Variants in ITIH5 observed in about 807,000 individuals in gnomAD.
ITIH5 encodes the protein inter-alpha-trypsin inhibitor heavy chain H5.
Under a neutral mutation model 77.5 loss-of-function variants are expected in ITIH5, and 65 were observed. That is an observed-to-expected ratio of 0.84 (90% CI 0.69 to 1.03). The LOEUF (loss-of-function observed/expected upper bound fraction) is 1.03. ITIH5 is among the 50% of genes least tolerant of loss of function. The probability of loss-of-function intolerance (pLI) is 0.00; values close to 1 mark genes in which losing one functional copy is unlikely to be tolerated. For missense variants in ITIH5, 1,208 were observed against 1,213.1 expected (o/e 1.00, Z 0.06); for synonymous variants, 525 against 494.3 (o/e 1.06, Z -0.82).
intron 7 of ITIH5, among the ~76,000 whole-genome samples, chr10:7,606,639 A>C (rs1833131735): frequency 6.6e-6 from 1 of 152,230 alleles, no homozygotes; most frequent in Non-Finnish European, 1.5e-5. Context: ...TACTGTGCTT[A>C]TTAGCTGGGT....
At chr10:7,629,044 C>T (rs1424618334) in intron 5 of ITIH5, among the ~76,000 whole-genome samples, 4 of 136,500 alleles carry the variant, frequency 2.9e-5, no homozygotes, top group East Asian at 2.1e-4. Context: ...CCTGTTGTAG[C>T]GTGTGTCCAT....
chr10:7,565,953 T>C (rs1588354471), intron 13 of ITIH5, 77 bp downstream of exon 13: 1 of 1,531,330 alleles, frequency 6.5e-7, no homozygotes, highest in Non-Finnish European at 8.8e-7. Context: ...AAACGAAAGG[T>C]GTTGGCAATA....
chr10:7,659,633 T>C (rs1274790957), intron 1 of ITIH5, among the ~76,000 whole-genome samples: 6 of 152,174 alleles, frequency 3.9e-5, no homozygotes, highest in Non-Finnish European at 4.4e-5. Context: ...AGTATTTTCT[T>C]TGAAGTTTTC....
chr10:7,664,906 C>G (rs540949963), intron 1 of ITIH5, among the ~76,000 whole-genome samples: 1 of 152,224 alleles, frequency 6.6e-6, no homozygotes, highest in South Asian at 2.1e-4. Flanking sequence ...TGCATCATCC[C>G]CATACAGAGA....
intron 7 of ITIH5, chr10:7,609,435 T>C (rs969788070): frequency 4.4e-6 from 2 of 456,572 alleles, no homozygotes; most frequent in Non-Finnish European, 8.8e-6. Flanking sequence ...AGGTTACACA[T>C]GAAATATCCA....
chr10:7,592,898 G>A (rs978031515), intron 7 of ITIH5, among the ~76,000 whole-genome samples: 1 of 152,116 alleles, frequency 6.6e-6, no homozygotes, highest in African/African-American at 2.4e-5. Flanking sequence ...GCAGTGCTGG[G>A]GTGCTGGGCC....
At chr10:7,643,817 T>C (rs1434526349) in intron 2 of ITIH5, among the ~76,000 whole-genome samples, 3 of 152,220 alleles carry the variant, frequency 2.0e-5, no homozygotes, top group Non-Finnish European at 4.4e-5. Context: ...TTCAAAAAAG[T>C]TACTACAGAG....
rs372675263 is a variant in ITIH5, at chr10:7,647,994, A to C, written c.136-5904T>G. Among the ~76,000 whole-genome samples, 8 of 152,086 alleles carry C rather than the reference A, an allele frequency of 5.3e-5. No homozygotes were observed. The East Asian group carries it at 1.2e-3, about 22-fold the overall frequency. On this transcript the variant is annotated intron_variant, in intron 2 of 13. Transcript: ENST00000397146. ...CACAGTGGCTCATGCCTGTAATCCCAGCACTTTAGGAGGCTGAAGCAGGTG... is the reference window on the plus strand; with the variant it reads ...CACAGTGGCTCATGCCTGTAATCCCCGCACTTTAGGAGGCTGAAGCAGGTG...
At chr10:7,640,457 A>G (rs904174813) in intron 4 of ITIH5, among the ~76,000 whole-genome samples, 2 of 151,038 alleles carry the variant, frequency 1.3e-5, no homozygotes, top group African/African-American at 4.9e-5. Context: ...AGCCTGGGCA[A>G]AGAGTGAGAC....
At chr10:7,648,044 C>T in intron 2 of ITIH5, among the ~76,000 whole-genome samples, 1 of 150,880 alleles carries the variant, frequency 6.6e-6, no homozygotes, top group Non-Finnish European at 1.5e-5. Flanking sequence ...GAGATCAAGA[C>T]CATCCTGGCT....
intron 12 of ITIH5, among the ~76,000 whole-genome samples, chr10:7,566,832 GGAAGAGGAAGAGGAAGAAGAA>G (rs1832183182): frequency 0.014 from 482 of 33,950 alleles, 7 homozygotes; most frequent in Middle Eastern, 0.053. Context: ...AAGAGGAAGA[GGAAGAGGAAGAGGAAGAAGAA>G]GAAGAAGAAG....
intron 8 of ITIH5, among the ~76,000 whole-genome samples, chr10:7,584,432 T>C (rs919466831): frequency 2.0e-5 from 3 of 151,744 alleles, no homozygotes; most frequent in African/African-American, 7.3e-5. Flanking sequence ...GCCTCCCAAG[T>C]AGCTGGGATT....
chr10:7,614,474 T>C (rs534110385), intron 7 of ITIH5, among the ~76,000 whole-genome samples: 1 of 152,322 alleles, frequency 6.6e-6, no homozygotes, highest in Admixed American at 6.5e-5. Context: ...GTGAGATTTT[T>C]TTGCGTGATT....
At chr10:7,614,464 G>A (rs765595071) in intron 7 of ITIH5, among the ~76,000 whole-genome samples, 6 of 152,206 alleles carry the variant, frequency 3.9e-5, no homozygotes, top group African/African-American at 7.2e-5. Context: ...TTAAAACATC[G>A]TGAGATTTTT....
chr10:7,586,647 G>A (rs1832685552), intron 7 of ITIH5, among the ~76,000 whole-genome samples: 1 of 152,116 alleles, frequency 6.6e-6, no homozygotes, highest in Admixed American at 6.5e-5. Context: ...CTAGACAAAG[G>A]TGAGGCAGGT....
At chr10:7,625,658 G>C (rs1474780118) in intron 5 of ITIH5, among the ~76,000 whole-genome samples, 2 of 151,982 alleles carry the variant, frequency 1.3e-5, no homozygotes, top group Non-Finnish European at 2.9e-5. Context: ...CCAGCTACTG[G>C]GGAGGCTGAG....
In ITIH5 at chr10:7,637,351, G is replaced by T. The variant is rs144998429; in HGVS notation, c.529C>A (p.Arg177=). 73 of 1,614,134 alleles carry T rather than the reference G, an allele frequency of 4.5e-5. No individual in the cohort carries two copies. In the African/African-American group the frequency reaches 8.3e-4, roughly 18 times the overall value. Residue 177 remains arginine (R), a synonymous_variant, in exon 5 of 14, where the codon CGG becomes AGG. Transcript: ENST00000397146. ...LGKYEHSISV[R]PQQLSGRLSV... ...AGCCTCCCGGACAGCTGCTGGGGCC[G>T]CACGCTGATGCTGTGCTCGTACTTG...
chr10:7,570,282 G>A (rs1712304877), intron 11 of ITIH5: 1 of 152,634 alleles, frequency 6.6e-6, no homozygotes, highest in Non-Finnish European at 1.5e-5. Context: ...AGCGTCAGCT[G>A]TACGCCACCC....
intron 4 of ITIH5, among the ~76,000 whole-genome samples, chr10:7,638,935 A>G (rs1272221466): frequency 3.3e-5 from 5 of 152,212 alleles, no homozygotes; most frequent in African/African-American, 1.2e-4. Context: ...GTTATGTTAA[A>G]TCATAACATA....
Sources: allele counts gnomAD v4.1 joint callset (sites outside exome capture counted in the v4.1 genomes callset), GRCh38; gene constraint gnomAD v4.1.1; transcripts MANE v1.5; gene names NCBI Gene and HGNC (gene_info 2026-07-23, HGNC 2026-07-21).